MC2R: variants seen among roughly 807,000 people sequenced by gnomAD.
MC2R encodes the protein melanocortin 2 receptor, also known as adrenocorticotropic hormone receptor.
In MC2R, 9 loss-of-function variants were observed where a neutral mutation model predicts 9.8. The ratio of observed to expected loss-of-function variants is 0.92; its 90% CI spans 0.55 to 1.60. The LOEUF is 1.60. Among genes scored for constraint, MC2R ranks in the 40% most tolerant of loss-of-function variants. The pLI is 0.00. For missense variants in MC2R, 370 were observed against 389.0 expected (o/e 0.95, Z 0.41); for synonymous variants, 185 against 154.7 (o/e 1.20, Z -1.45).
chr18:13,907,118 A>G, intron 1 of MC2R, among the ~76,000 whole-genome samples: 1 of 152,236 alleles, frequency 6.6e-6, no homozygotes, highest in Admixed American at 6.5e-5. Flanking sequence ...CTGACTTCCA[A>G]ATTTACTACA....
chr18:13,909,829 C>T (rs553578142), intron 1 of MC2R, among the ~76,000 whole-genome samples: 1 of 152,264 alleles, frequency 6.6e-6, no homozygotes, highest in Admixed American at 6.5e-5. Flanking sequence ...AAGCCACTTC[C>T]CCCAGGGATC....
chr18:13,895,593 TA>T (rs1311731132), intron 1 of MC2R, among the ~76,000 whole-genome samples: 1 of 152,130 alleles, frequency 6.6e-6, no homozygotes, highest in Non-Finnish European at 1.5e-5. Context: ...TCAGACCTCT[TA>T]GTTTCTGAAT....
At chr18:13,895,566 G>A (rs1039362820) in intron 1 of MC2R, among the ~76,000 whole-genome samples, 3 of 152,156 alleles carry the variant, frequency 2.0e-5, no homozygotes, top group Non-Finnish European at 4.4e-5. Context: ...CCCTCTGCCT[G>A]TAGAAAGCAG....
chr18:13,912,032 G>A lies in MC2R; in HGVS notation c.-129+3456C>T, dbSNP rs558636004. Among the ~76,000 whole-genome samples, 13 of 152,164 alleles carry A rather than the reference G, an allele frequency of 8.5e-5. No homozygotes were observed. In the South Asian group the frequency reaches 1.7e-3, roughly 19 times the overall value. On this transcript the variant is annotated intron_variant, in intron 1 of 1. Coordinates refer to ENST00000327606, the MANE Select transcript of MC2R (RefSeq NM_000529.2). ...ATGGAAAAGAATTGGCTTCACTTACGAGTGCTTTAGGTAATTCATTCTGTA... is the reference window on the plus strand; with the variant it reads ...ATGGAAAAGAATTGGCTTCACTTACAAGTGCTTTAGGTAATTCATTCTGTA...
chr18:13,893,788 G>A (rs1277560177), intron 1 of MC2R, among the ~76,000 whole-genome samples: 2 of 152,202 alleles, frequency 1.3e-5, no homozygotes, highest in East Asian at 3.8e-4. Flanking sequence ...CAATGCAGAG[G>A]GTGAAGATGA....
At chr18:13,887,107 T>C (rs1012774960) in intron 1 of MC2R, among the ~76,000 whole-genome samples, 2 of 152,228 alleles carry the variant, frequency 1.3e-5, no homozygotes, top group African/African-American at 4.8e-5. Context: ...GTCACCTTCG[T>C]GCCTCCTGCC....
chr18:13,898,258 T>A (rs1053257784), intron 1 of MC2R, among the ~76,000 whole-genome samples: 2 of 151,998 alleles, frequency 1.3e-5, no homozygotes, highest in Admixed American at 6.6e-5. Context: ...TGGCCTTTGG[T>A]GATGTTGGTT....
intron 1 of MC2R, among the ~76,000 whole-genome samples, chr18:13,913,827 G>A (rs999776736): frequency 2.6e-5 from 4 of 152,132 alleles, no homozygotes; most frequent in East Asian, 1.9e-4. Context: ...TTTCTACAAC[G>A]GCATTATTCA....
intron 1 of MC2R, among the ~76,000 whole-genome samples, chr18:13,908,063 A>G (rs1598468772): frequency 6.6e-6 from 1 of 152,372 alleles, no homozygotes; most frequent in East Asian, 1.9e-4. Context: ...CAGCACATCA[A>G]AGAGATATCT....
intron 1 of MC2R, among the ~76,000 whole-genome samples, chr18:13,892,063 GT>G (rs1008765459): frequency 2.0e-5 from 3 of 152,242 alleles, no homozygotes; most frequent in Admixed American, 2.0e-4. Context: ...AAAAGGGCCA[GT>G]GGTGGCCTGT....
intron 1 of MC2R, among the ~76,000 whole-genome samples, chr18:13,906,046 C>T (rs1019915456): frequency 6.6e-6 from 1 of 152,010 alleles, no homozygotes; most frequent in African/African-American, 2.4e-5. Context: ...TGCACTCCAC[C>T]CTGGTGACAG....
At chr18:13,894,949 C>T (rs755247877) in intron 1 of MC2R, among the ~76,000 whole-genome samples, 4 of 152,346 alleles carry the variant, frequency 2.6e-5, no homozygotes, top group African/African-American at 7.2e-5. Flanking sequence ...TCTTGGCTTG[C>T]GTGTGGCAGG....
At chr18:13,889,402 C>G (rs565890810) in intron 1 of MC2R, among the ~76,000 whole-genome samples, 1 of 152,302 alleles carries the variant, frequency 6.6e-6, no homozygotes, top group East Asian at 1.9e-4. Context: ...CAGAAAGAAA[C>G]TTGGTTGATT....
chr18:13,905,438 A>G (rs1025774473), intron 1 of MC2R, among the ~76,000 whole-genome samples: 5 of 151,942 alleles, frequency 3.3e-5, no homozygotes, highest in Admixed American at 6.6e-5. Context: ...CTGAGCCGTG[A>G]TCGTGCCACT....
chr18:13,914,529 G>A (rs1327926796), intron 1 of MC2R, among the ~76,000 whole-genome samples: 7 of 152,200 alleles, frequency 4.6e-5, no homozygotes. Context: ...TCCTCCTTCT[G>A]ATCTGCTCAA....
intron 1 of MC2R, among the ~76,000 whole-genome samples, chr18:13,909,602 T>G (rs551492760): frequency 4.6e-5 from 7 of 152,324 alleles, no homozygotes; most frequent in African/African-American, 1.7e-4. Flanking sequence ...TATGAATGCA[T>G]GGACAACTAT....
intron 1 of MC2R, among the ~76,000 whole-genome samples, chr18:13,910,460 T>G (rs929210703): frequency 2.0e-5 from 3 of 152,228 alleles, no homozygotes; most frequent in African/African-American, 7.2e-5. Context: ...ATAAGTTTAT[T>G]GACATCTTCA....
intron 1 of MC2R, among the ~76,000 whole-genome samples, chr18:13,886,579 C>T (rs1410620530): frequency 6.6e-6 from 1 of 152,206 alleles, no homozygotes; most frequent in Non-Finnish European, 1.5e-5. Context: ...CTGCCTGACC[C>T]CACAGCCTGT....
At chr18:13,909,905 T>C (rs1226835856) in intron 1 of MC2R, among the ~76,000 whole-genome samples, 1 of 152,264 alleles carries the variant, frequency 6.6e-6, no homozygotes, top group Non-Finnish European at 1.5e-5. Context: ...TACTTGTTGC[T>C]ACTGGGGTGC....
Sources: allele counts gnomAD v4.1 joint callset (sites outside exome capture counted in the v4.1 genomes callset), GRCh38; gene constraint gnomAD v4.1.1; transcripts MANE v1.5; gene names NCBI Gene and HGNC (gene_info 2026-07-23, HGNC 2026-07-21).